Variants in DLGAP1 observed in about 807,000 individuals in gnomAD.
DLGAP1 encodes DLG associated protein 1.
DLGAP1 carries 11 observed loss-of-function variants against 90.8 expected under a neutral mutation model. The observed-to-expected ratio is 0.12, with a 90% CI of 0.08 to 0.20. DLGAP1 has a LOEUF of 0.20. Ranked by LOEUF, DLGAP1 falls within the 10% of genes least tolerant of loss-of-function variation. DLGAP1 has a pLI of 1.00. For synonymous variants in DLGAP1, 558 were observed against 540.7 expected, an observed-to-expected ratio of 1.03 and a Z score of -0.44; for missense variants, 1,050 against 1,333.8, an observed-to-expected ratio of 0.79 and a Z score of 3.31.
intron 4 of DLGAP1, among the ~76,000 whole-genome samples, chr18:3,856,404 T>C (rs1273070864): frequency 6.6e-6 from 1 of 152,088 alleles, no homozygotes; most frequent in Non-Finnish European, 1.5e-5. Context: ...ATGGCCCAAT[T>C]TTTTTGTTAA....
intron 1 of DLGAP1, among the ~76,000 whole-genome samples, chr18:4,327,767 C>T (rs1368508221): frequency 6.6e-6 from 1 of 151,926 alleles, no homozygotes; most frequent in Non-Finnish European, 1.5e-5. Flanking sequence ...CTTCTGAAAA[C>T]CATTGTTCTG....
At chr18:3,906,462 G>C (rs748207063) in intron 3 of DLGAP1, among the ~76,000 whole-genome samples, 1 of 152,122 alleles carries the variant, frequency 6.6e-6, no homozygotes, top group South Asian at 2.1e-4. Flanking sequence ...TGAAAACACA[G>C]TCAGGCTGCC....
At chr18:3,909,113 C>T (rs953590095) in intron 3 of DLGAP1, among the ~76,000 whole-genome samples, 2 of 152,160 alleles carry the variant, frequency 1.3e-5, no homozygotes, top group African/African-American at 4.8e-5. Context: ...TAATTTTATA[C>T]CAAAAATTAC....
intron 2 of DLGAP1, among the ~76,000 whole-genome samples, chr18:4,147,034 T>C (rs1326358737): frequency 6.6e-6 from 1 of 152,082 alleles, no homozygotes; most frequent in African/African-American, 2.4e-5. Flanking sequence ...TGCATGCAGA[T>C]AAAAGATGTA....
intron 9 of DLGAP1, among the ~76,000 whole-genome samples, chr18:3,543,500 C>T (rs1343829115): frequency 6.6e-6 from 1 of 152,148 alleles, no homozygotes; most frequent in Non-Finnish European, 1.5e-5. Context: ...CATTCCAAGA[C>T]CTTCAAAGCC....
At chr18:3,542,147 T>C (rs2052728312) in intron 9 of DLGAP1, among the ~76,000 whole-genome samples, 1 of 152,188 alleles carries the variant, frequency 6.6e-6, no homozygotes, top group Admixed American at 6.5e-5. Context: ...AAAGGTATAC[T>C]AGGAGAGAAG....
chr18:4,040,614 C>A (rs1029974223), intron 2 of DLGAP1, among the ~76,000 whole-genome samples: 1 of 152,160 alleles, frequency 6.6e-6, no homozygotes, highest in African/African-American at 2.4e-5. Flanking sequence ...CAAATCTTGA[C>A]ATACCATTAA....
At chr18:3,748,538 C>T (rs1398914654) in intron 5 of DLGAP1, among the ~76,000 whole-genome samples, 1 of 152,216 alleles carries the variant, frequency 6.6e-6, no homozygotes, top group Non-Finnish European at 1.5e-5. Flanking sequence ...TTCACGTTGT[C>T]TTCTCTCTGA....
At chr18:3,985,615 T>G (rs544458762) in intron 3 of DLGAP1, among the ~76,000 whole-genome samples, 92 of 152,112 alleles carry the variant, frequency 6.0e-4, no homozygotes, top group Non-Finnish European at 1.1e-3. Context: ...GACTAACATA[T>G]GTTTTAATAG....
At chr18:4,199,382 A>G (rs1474349487) in intron 1 of DLGAP1, among the ~76,000 whole-genome samples, 4 of 152,236 alleles carry the variant, frequency 2.6e-5, no homozygotes, top group Non-Finnish European at 4.4e-5. Flanking sequence ...ACTATGAAGA[A>G]TACTTATAAT....
chr18:4,434,648 T>C (rs928851346), intron 1 of DLGAP1, among the ~76,000 whole-genome samples: 2 of 152,128 alleles, frequency 1.3e-5, no homozygotes, highest in African/African-American at 4.8e-5. Flanking sequence ...CTGGTTCTTC[T>C]CAACCAAGTC....
chr18:3,513,037 CT>C (rs1476073849), intron 10 of DLGAP1, among the ~76,000 whole-genome samples: 2 of 152,064 alleles, frequency 1.3e-5, no homozygotes, highest in Non-Finnish European at 2.9e-5. Flanking sequence ...TTCCCTCTCC[CT>C]CTACATCATG....
intron 3 of DLGAP1, among the ~76,000 whole-genome samples, chr18:3,992,405 C>T (rs111599219): frequency 8.5e-5 from 13 of 152,062 alleles, no homozygotes; most frequent in African/African-American, 2.2e-4. Context: ...CAGCTGGGTA[C>T]GGTGGTTTAC....
intron 1 of DLGAP1, among the ~76,000 whole-genome samples, chr18:4,370,003 G>A (rs1391862325): frequency 6.6e-6 from 1 of 152,014 alleles, no homozygotes; most frequent in Non-Finnish European, 1.5e-5. Flanking sequence ...GGAGAAGCAG[G>A]GAGCAAGACT....
chr18:4,118,642 G>GACTGGGGA (rs111739455), intron 2 of DLGAP1, among the ~76,000 whole-genome samples: 2 of 150,206 alleles, frequency 1.3e-5, no homozygotes, highest in Non-Finnish European at 3.0e-5. Context: ...TGTAGCCCCA[G>GACTGGGGA]GCTGGGGAGC....
intron 1 of DLGAP1, among the ~76,000 whole-genome samples, chr18:4,360,354 C>T (rs565733183): frequency 6.6e-6 from 1 of 152,118 alleles, no homozygotes; most frequent in East Asian, 1.9e-4. Flanking sequence ...TGAGACAAAG[C>T]AAAAGGAGTG....
At chr18:4,150,161 C>T (rs981461949) in intron 2 of DLGAP1, among the ~76,000 whole-genome samples, 1 of 152,208 alleles carries the variant, frequency 6.6e-6, no homozygotes, top group Non-Finnish European at 1.5e-5. Flanking sequence ...TTTGGATCAG[C>T]TCCCTAATAA....
rs982392668 is a variant in DLGAP1, at chr18:4,317,338, G to C, written c.-267+137668C>G. Among the ~76,000 whole-genome samples the C allele has an allele frequency of 3.3e-5, 5 of 152,112 alleles. No homozygotes were observed. In the East Asian group the frequency reaches 7.7e-4, roughly 23 times the overall value. ...TCAAATGATATGTTCTGCTCACTGA[G>C]CTGGACTTGTAACATGTTTGCTACG... On this transcript the variant is annotated intron_variant, in intron 1 of 12. Transcript: ENST00000315677.
intron 1 of DLGAP1, among the ~76,000 whole-genome samples, chr18:4,250,833 C>T (rs1026425512): frequency 6.6e-6 from 1 of 151,928 alleles, no homozygotes. Context: ...AGCAGACCTA[C>T]ATGAAGCTGA....
Sources: allele counts gnomAD v4.1 joint callset (sites outside exome capture counted in the v4.1 genomes callset), GRCh38; gene constraint gnomAD v4.1.1; transcripts MANE v1.5; gene names NCBI Gene and HGNC (gene_info 2026-07-23, HGNC 2026-07-21).